The following DPP6 variants were observed in gnomAD, a reference collection of about 807,000 sequenced individuals.
DPP6 encodes the protein A-type potassium channel modulatory protein DPP6.
DPP6 carries 69 observed loss-of-function variants against 122.6 expected under a neutral mutation model. The ratio of observed to expected loss-of-function variants is 0.56; its 90% CI spans 0.46 to 0.69. DPP6 has a LOEUF of 0.69. Ranked by LOEUF, DPP6 falls within the 30% of genes least tolerant of loss-of-function variation. The probability of loss-of-function intolerance (pLI) is 0.00; values close to 1 mark genes in which losing one functional copy is unlikely to be tolerated. For missense variants in DPP6, 928 were observed against 1,116.9 expected (o/e 0.83, Z 2.41); for synonymous variants, 418 against 433.1 (o/e 0.97, Z 0.43).
the DPP6 span, among the ~76,000 whole-genome samples, chr7:153,830,183 C>T: frequency 3.3e-5 from 5 of 152,218 alleles, no homozygotes; most frequent in African/African-American, 1.2e-4. Flanking sequence ...ATTTAACTCA[C>T]TATCAATGGC....
intron 1 of DPP6, among the ~76,000 whole-genome samples, chr7:153,965,576 G>T (rs62484207): frequency 1.3e-5 from 2 of 152,078 alleles, no homozygotes; most frequent in Non-Finnish European, 2.9e-5. Flanking sequence ...ACAGTGGCGC[G>T]ATTTCAGCTC....
intron 8 of DPP6, among the ~76,000 whole-genome samples, chr7:154,751,307 A>G (rs1236342793): frequency 6.6e-6 from 1 of 152,098 alleles, no homozygotes; most frequent in Admixed American, 6.5e-5. Context: ...ATATCTATCG[A>G]TAAGGAAAAC....
intron 1 of DPP6, among the ~76,000 whole-genome samples, chr7:154,232,417 T>C (rs765927569): frequency 7.2e-5 from 11 of 152,196 alleles, no homozygotes; most frequent in Non-Finnish European, 1.6e-4. Flanking sequence ...GGGAGGGCTT[T>C]GGTGTCAGGA....
the DPP6 span, among the ~76,000 whole-genome samples, chr7:153,816,369 A>G: frequency 7.9e-5 from 12 of 151,998 alleles, no homozygotes; most frequent in African/African-American, 2.9e-4. Context: ...GGCAAAATAC[A>G]TAGTGAAGAT....
At chr7:154,387,146 A>G (rs1191119490) in intron 1 of DPP6, among the ~76,000 whole-genome samples, 1 of 152,196 alleles carries the variant, frequency 6.6e-6, no homozygotes, top group Non-Finnish European at 1.5e-5. Context: ...CTCTAGAACT[A>G]GGTCATTCTT....
At chr7:154,168,460 T>C (rs1428359230) in intron 1 of DPP6, among the ~76,000 whole-genome samples, 1 of 152,164 alleles carries the variant, frequency 6.6e-6, no homozygotes, top group Non-Finnish European at 1.5e-5. Context: ...GAGCCACAGC[T>C]CTGATTGTAG....
chr7:154,381,382 G>T (rs1263346668), intron 1 of DPP6, among the ~76,000 whole-genome samples: 4 of 152,200 alleles, frequency 2.6e-5, no homozygotes, highest in Non-Finnish European at 5.9e-5. Flanking sequence ...CCCATAATAA[G>T]AAATCTGTTT....
intron 7 of DPP6, among the ~76,000 whole-genome samples, chr7:154,690,576 G>C (rs1377382537): frequency 6.6e-6 from 1 of 152,080 alleles, no homozygotes; most frequent in African/African-American, 2.4e-5. Flanking sequence ...CAGCGAGAGA[G>C]GAATGATCCC....
At chr7:154,173,237 G>T (rs978070887) in intron 1 of DPP6, among the ~76,000 whole-genome samples, 5 of 152,192 alleles carry the variant, frequency 3.3e-5, no homozygotes, top group Admixed American at 1.3e-4. Flanking sequence ...GTGCCAGCGT[G>T]GGACGAATGA....
chr7:153,930,625 G>T (rs1346944804), intron 1 of DPP6, among the ~76,000 whole-genome samples: 2 of 152,178 alleles, frequency 1.3e-5, no homozygotes, highest in African/African-American at 4.8e-5. Flanking sequence ...ATCTCTGAGA[G>T]AGTAGACTTT....
At chr7:154,016,137 G>A (rs1213875678) in intron 1 of DPP6, among the ~76,000 whole-genome samples, 1 of 151,984 alleles carries the variant, frequency 6.6e-6, no homozygotes, top group Non-Finnish European at 1.5e-5. Flanking sequence ...TGATACCTCC[G>A]CAGTGACGCA....
At chr7:153,905,183 G>GT (rs1292259566) in intron 1 of DPP6, among the ~76,000 whole-genome samples, 1 of 152,202 alleles carries the variant, frequency 6.6e-6, no homozygotes, top group African/African-American at 2.4e-5. Context: ...GTTATGGTCA[G>GT]TTTTTACACA....
At chr7:153,984,723 T>A (rs1232092347) in intron 1 of DPP6, among the ~76,000 whole-genome samples, 3 of 152,206 alleles carry the variant, frequency 2.0e-5, no homozygotes, top group Non-Finnish European at 4.4e-5. Flanking sequence ...GAGGTTGTCA[T>A]CATTTAATTC....
chr7:154,032,751 A>AT (rs1278532724), intron 1 of DPP6, among the ~76,000 whole-genome samples: 1 of 151,814 alleles, frequency 6.6e-6, no homozygotes, highest in Non-Finnish European at 1.5e-5. Flanking sequence ...TTTCTGTCTC[A>AT]TTTTTGTCTA....
At chr7:153,860,631 C>G in the DPP6 span, among the ~76,000 whole-genome samples, 2 of 142,478 alleles carry the variant, frequency 1.4e-5, no homozygotes, top group African/African-American at 5.3e-5. Context: ...GGTGGTTTCC[C>G]TAAATCTTGC....
intron 7 of DPP6, among the ~76,000 whole-genome samples, chr7:154,675,360 GAAAAA>G (rs1200643129): frequency 1.3e-5 from 2 of 151,544 alleles, no homozygotes; most frequent in African/African-American, 4.8e-5. Context: ...GTATAATAAA[GAAAAA>G]AAGAAAAAAA....
At chr7:154,749,525 G>A (rs986596803) in intron 8 of DPP6, among the ~76,000 whole-genome samples, 59 of 133,560 alleles carry the variant, frequency 4.4e-4, no homozygotes, top group Middle Eastern at 4.7e-3. Context: ...GAGGGTGAGA[G>A]AGCATAGGAC....
intron 7 of DPP6, among the ~76,000 whole-genome samples, chr7:154,670,108 C>T (rs1171647272): frequency 6.6e-6 from 1 of 152,206 alleles, no homozygotes; most frequent in Non-Finnish European, 1.5e-5. Context: ...AATCCACCCG[C>T]CTCAGCCTCC....
In DPP6 at chr7:154,875,546, G is replaced by A. The variant is rs1047763416; in HGVS notation, c.1884-360G>A. Among the ~76,000 whole-genome samples, 4 of 152,200 alleles carry A rather than the reference G, an allele frequency of 2.6e-5. No individual in the cohort carries two copies. The highest frequency in any genetic ancestry group is 4.4e-5 in the Non-Finnish European group (3 of 68,032). Reference sequence around the variant, plus strand: ...ACAGCCTGGGACATCTAGAACCCAGGAAAGAGAAACCTTCTTGCCGTGTAG... The same window carrying A: ...ACAGCCTGGGACATCTAGAACCCAGAAAAGAGAAACCTTCTTGCCGTGTAG... On this transcript the variant is annotated intron_variant, in intron 19 of 25. Coordinates refer to ENST00000377770, the MANE Select transcript of DPP6 (RefSeq NM_130797.4). This position sits in a 1 kb window ranked among gnomAD's most constrained non-coding sequence, Gnocchi z 4.5.
Sources: allele counts gnomAD v4.1 joint callset (sites outside exome capture counted in the v4.1 genomes callset), GRCh38; gene constraint gnomAD v4.1.1; non-coding constraint Gnocchi (gnomAD v3.1); transcripts MANE v1.5; gene names NCBI Gene and HGNC (gene_info 2026-07-23, HGNC 2026-07-21).